Variants in FHOD3 observed in about 807,000 individuals in gnomAD.
The protein encoded by FHOD3 is FH1/FH2 domain-containing protein 3.
A neutral mutation model predicts 173.0 loss-of-function variants in FHOD3; 90 were observed. The ratio of observed to expected loss-of-function variants is 0.52; its 90% CI spans 0.44 to 0.62. FHOD3 has a LOEUF of 0.62. Ranked by LOEUF, FHOD3 falls within the 20% of genes least tolerant of loss-of-function variation. The pLI is 0.00. For synonymous variants in FHOD3, 828 were observed against 823.0 expected, an observed-to-expected ratio of 1.01 and a Z score of -0.10; for missense variants, 1,945 against 2,034.7, an observed-to-expected ratio of 0.96 and a Z score of 0.85.
intron 3 of FHOD3, among the ~76,000 whole-genome samples, chr18:36,476,801 A>C (rs1348540849): frequency 6.6e-6 from 1 of 152,170 alleles, no homozygotes; most frequent in Admixed American, 6.5e-5. Context: ...GGGTATAGTC[A>C]ATTCAGTGTG....
At chr18:36,615,139 C>T (rs992963607) in intron 9 of FHOD3, among the ~76,000 whole-genome samples, 10 of 152,062 alleles carry the variant, frequency 6.6e-5, no homozygotes, top group South Asian at 2.1e-4. Context: ...CATGAGCCAC[C>T]GCGCCCAGCC....
chr18:36,563,504 A>T (rs2058159242), intron 5 of FHOD3, among the ~76,000 whole-genome samples: 1 of 152,220 alleles, frequency 6.6e-6, no homozygotes, highest in Admixed American at 6.5e-5. Flanking sequence ...CATCAAGAAC[A>T]GCCAACCATC....
intron 28 of FHOD3, among the ~76,000 whole-genome samples, chr18:36,773,953 A>C (rs2043511750): frequency 6.6e-6 from 1 of 152,226 alleles, no homozygotes; most frequent in South Asian, 2.1e-4. Flanking sequence ...CTCTCGACTT[A>C]ATCTGGGAAG....
chr18:36,707,826 C>T (rs1347759461), intron 17 of FHOD3, among the ~76,000 whole-genome samples: 3 of 152,136 alleles, frequency 2.0e-5, no homozygotes, highest in South Asian at 4.1e-4. Flanking sequence ...CCCTGCCATG[C>T]GTAGACCCTG....
chr18:36,615,897 G>C (rs1453700918), intron 9 of FHOD3, among the ~76,000 whole-genome samples: 1 of 152,180 alleles, frequency 6.6e-6, no homozygotes, highest in Non-Finnish European at 1.5e-5. Context: ...ATATGATCTT[G>C]GGAGAGAAGA....
chr18:36,714,119 T>TA (rs796409222), intron 18 of FHOD3, among the ~76,000 whole-genome samples: 7 of 152,282 alleles, frequency 4.6e-5, no homozygotes, highest in African/African-American at 1.7e-4. Context: ...CAGGAATGGC[T>TA]ACATCAGTTA....
intron 23 of FHOD3, among the ~76,000 whole-genome samples, chr18:36,745,989 C>T (rs1413253503): frequency 6.6e-6 from 1 of 152,096 alleles, no homozygotes. Context: ...CCTATTTCTT[C>T]CTCCGCTCCT....
At chr18:36,468,597 G>A (rs901956001) in intron 3 of FHOD3, among the ~76,000 whole-genome samples, 1 of 152,156 alleles carries the variant, frequency 6.6e-6, no homozygotes, top group Non-Finnish European at 1.5e-5. Flanking sequence ...GGGAATTTCA[G>A]GGGCAGTGGG....
chr18:36,502,301 A>G (rs1599406181), intron 4 of FHOD3, among the ~76,000 whole-genome samples: 1 of 151,094 alleles, frequency 6.6e-6, no homozygotes, highest in African/African-American at 2.4e-5. Flanking sequence ...CAAAATGTGC[A>G]GGTTTGTTAC....
chr18:36,318,541 G>A (rs1430451822), intron 1 of FHOD3, among the ~76,000 whole-genome samples: 1 of 152,184 alleles, frequency 6.6e-6, no homozygotes, highest in African/African-American at 2.4e-5. Context: ...TATTGTTGGT[G>A]TATAGGAATG....
chr18:36,715,945 T>G (rs2040424554), intron 18 of FHOD3, among the ~76,000 whole-genome samples: 1 of 152,126 alleles, frequency 6.6e-6, no homozygotes, highest in Admixed American at 6.5e-5. Context: ...GTTCTAGGAA[T>G]GGGAAGAAGT....
At chr18:36,596,321 A>ATTAATTT (rs542045571) in intron 7 of FHOD3, among the ~76,000 whole-genome samples, 5 of 57,484 alleles carry the variant, frequency 8.7e-5, no homozygotes, top group African/African-American at 3.1e-4. Flanking sequence ...TGCCCAGCTA[A>ATTAATTT]TTTTTTTTTT....
At chr18:36,597,473 CTAGAGTGCAGTGT>C (rs1468460264) in intron 7 of FHOD3, among the ~76,000 whole-genome samples, 1 of 152,190 alleles carries the variant, frequency 6.6e-6, no homozygotes, top group African/African-American at 2.4e-5. Flanking sequence ...GTTGCCCAGG[CTAGAGTGCAGTGT>C]CACGATCTCA....
chr18:36,771,505 G>A (rs1340097870), intron 28 of FHOD3, among the ~76,000 whole-genome samples: 5 of 152,302 alleles, frequency 3.3e-5, no homozygotes, highest in Non-Finnish European at 7.4e-5. Context: ...TATATCATTG[G>A]CTCATTTTTT....
rs552741633 is a variant in FHOD3, at chr18:36,447,413, A to C, written c.338-54519A>C. Reference sequence around the variant, plus strand: ...GTGTGATTGGGCCCTGGCATGTGACAGTACTGTCTGGGCATCATCAGCTTG... The same window carrying C: ...GTGTGATTGGGCCCTGGCATGTGACCGTACTGTCTGGGCATCATCAGCTTG... On this transcript the variant is annotated intron_variant, in intron 3 of 28. Coordinates refer to ENST00000590592, the MANE Select transcript of FHOD3 (RefSeq NM_001281740.3). Among the ~76,000 whole-genome samples, 21 of 152,308 alleles carry C rather than the reference A, an allele frequency of 1.4e-4. No individual in the cohort carries two copies. In the South Asian group the frequency reaches 4.1e-3, roughly 30 times the overall value.
At chr18:36,469,135 G>A (rs556512470) in intron 3 of FHOD3, among the ~76,000 whole-genome samples, 3 of 152,104 alleles carry the variant, frequency 2.0e-5, no homozygotes, top group Non-Finnish European at 4.4e-5. Flanking sequence ...GAACAGGGGT[G>A]TAATTTTCTG....
intron 14 of FHOD3, among the ~76,000 whole-genome samples, chr18:36,674,700 A>G (rs761936863): frequency 2.6e-5 from 4 of 152,198 alleles, no homozygotes; most frequent in Non-Finnish European, 5.9e-5. Context: ...TCACTTGGCT[A>G]GGAGAATATG....
chr18:36,401,496 AAG>A (rs2146677155), intron 3 of FHOD3, among the ~76,000 whole-genome samples: 1 of 152,312 alleles, frequency 6.6e-6, no homozygotes, highest in African/African-American at 2.4e-5. Context: ...GTCAACTTCC[AAG>A]AGCATGAGAA....
At chr18:36,620,042 G>A (rs2033577085) in intron 9 of FHOD3, among the ~76,000 whole-genome samples, 2 of 152,182 alleles carry the variant, frequency 1.3e-5, no homozygotes, top group Admixed American at 1.3e-4. Flanking sequence ...TGAAAGCAAG[G>A]TGATCCTCCT....
Sources: gnomAD v4.1 joint callset for allele counts (sites outside exome capture counted in the v4.1 genomes callset) on GRCh38, gnomAD v4.1.1 for gene constraint, MANE v1.5 for transcripts, NCBI Gene and HGNC (gene_info 2026-07-23, HGNC 2026-07-21) for gene names.